CHST11: variants seen among roughly 807,000 people sequenced by gnomAD.
CHST11 encodes the protein C4S-1.
CHST11 carries 9 observed loss-of-function variants against 30.4 expected under a neutral mutation model. The ratio of observed to expected loss-of-function variants is 0.30; its 90% CI spans 0.18 to 0.52. The LOEUF is 0.52. Ranked by LOEUF, CHST11 falls within the 20% of genes least tolerant of loss-of-function variation. CHST11 has a pLI of 0.97. For missense variants in CHST11, 348 were observed against 460.6 expected (o/e 0.76, Z 2.24); for synonymous variants, 152 against 187.8 (o/e 0.81, Z 1.56).
chr12:104,544,097 C>G (rs1263939593), intron 1 of CHST11, among the ~76,000 whole-genome samples: 1 of 142,548 alleles, frequency 7.0e-6, no homozygotes, highest in Non-Finnish European at 1.5e-5. Context: ...GCACTCCAGC[C>G]TGGGCAACAG....
intron 2 of CHST11, among the ~76,000 whole-genome samples, chr12:104,702,856 G>A (rs113260003): frequency 2.0e-5 from 3 of 152,354 alleles, no homozygotes; most frequent in African/African-American, 7.2e-5. Context: ...GGTTCCAGCA[G>A]ATTGGACGCC....
intron 1 of CHST11, among the ~76,000 whole-genome samples, chr12:104,511,543 G>C (rs962879510): frequency 6.6e-6 from 1 of 152,146 alleles, no homozygotes; most frequent in African/African-American, 2.4e-5. Context: ...CCCATTTCAT[G>C]GCTTTTTTAG....
intron 1 of CHST11, among the ~76,000 whole-genome samples, chr12:104,459,634 T>C (rs1451326016): frequency 6.6e-6 from 1 of 152,200 alleles, no homozygotes; most frequent in East Asian, 1.9e-4. Context: ...TTTGTGAAAA[T>C]TTCCAGCCCT....
At chr12:104,590,498 C>T (rs1198585997) in intron 1 of CHST11, among the ~76,000 whole-genome samples, 1 of 152,034 alleles carries the variant, frequency 6.6e-6, no homozygotes, top group Non-Finnish European at 1.5e-5. Context: ...TTTTAGGAAC[C>T]GAGGATATTG....
chr12:104,750,503 G>A (rs1350406051), intron 2 of CHST11, among the ~76,000 whole-genome samples: 2 of 134,076 alleles, frequency 1.5e-5, no homozygotes, highest in Non-Finnish European at 3.1e-5. Flanking sequence ...GTGCAATGGT[G>A]CAATCTTGGC....
intron 2 of CHST11, among the ~76,000 whole-genome samples, chr12:104,738,060 A>G (rs2040315577): frequency 6.6e-6 from 1 of 152,078 alleles, no homozygotes; most frequent in African/African-American, 2.4e-5. Flanking sequence ...CACTTAGTGT[A>G]TAAAAAAGGA....
At chr12:104,561,654 A>T (rs1258750536) in intron 1 of CHST11, among the ~76,000 whole-genome samples, 1 of 152,148 alleles carries the variant, frequency 6.6e-6, no homozygotes, top group Non-Finnish European at 1.5e-5. Flanking sequence ...TCTAATGGAA[A>T]ACAACGCCCT....
intron 1 of CHST11, among the ~76,000 whole-genome samples, chr12:104,601,451 G>A (rs1001186155): frequency 4.6e-5 from 7 of 152,188 alleles, no homozygotes; most frequent in Non-Finnish European, 7.3e-5. Context: ...GGAGCCTCCT[G>A]GGGAAGGACC....
chr12:104,593,988 TTC>T (rs1369707162), intron 1 of CHST11, among the ~76,000 whole-genome samples: 1 of 152,238 alleles, frequency 6.6e-6, no homozygotes, highest in Non-Finnish European at 1.5e-5. Flanking sequence ...CTAACTCCTC[TTC>T]TTTGTTCATT....
At position 104,729,759 on chromosome 12, in the gene CHST11, G is replaced by A. The variant is rs928206214; in HGVS notation, c.205-27190G>A. 9.2e-5 allele frequency among the ~76,000 whole-genome samples: 14 copies of A among 152,154 alleles called. No individual in the cohort carries two copies. Among genetic ancestry groups the A allele is most frequent in the Non-Finnish European group, 1.9e-4 (13 of 68,016 alleles). On this transcript the variant is annotated intron_variant, in intron 2 of 2. Coordinates refer to ENST00000303694, the MANE Select transcript of CHST11 (RefSeq NM_018413.6). This position sits in a 1 kb window ranked among gnomAD's most constrained non-coding sequence, Gnocchi z 4.0. ...GTACCTAGGAGTTGAGGGGGAGCTC[G>A]ATGGCGCTGGGGCAGAGGTCTGCGG...
chr12:104,548,412 G>T (rs2038373537), intron 1 of CHST11, among the ~76,000 whole-genome samples: 1 of 152,192 alleles, frequency 6.6e-6, no homozygotes, highest in Non-Finnish European at 1.5e-5. Context: ...AGTGAGCTCA[G>T]TGTTGGGAAG....
chr12:104,489,759 G>A (rs926379187), intron 1 of CHST11, among the ~76,000 whole-genome samples: 9 of 152,276 alleles, frequency 5.9e-5, no homozygotes, highest in East Asian at 3.9e-4. Context: ...CACTGCGCCC[G>A]GCCAGAATAC....
intron 2 of CHST11, among the ~76,000 whole-genome samples, chr12:104,735,271 C>T (rs558623018): frequency 1.1e-4 from 17 of 152,252 alleles, no homozygotes; most frequent in South Asian, 4.2e-4. Flanking sequence ...AAATATAATA[C>T]GTCTCTACCT....
chr12:104,754,258 C>T (rs1445801762), intron 2 of CHST11, among the ~76,000 whole-genome samples: 1 of 152,182 alleles, frequency 6.6e-6, no homozygotes, highest in African/African-American at 2.4e-5. Flanking sequence ...TCCTGTTTTT[C>T]AGCTCTCCTG....
At chr12:104,677,553 T>G (rs566511230) in intron 2 of CHST11, among the ~76,000 whole-genome samples, 1 of 152,366 alleles carries the variant, frequency 6.6e-6, no homozygotes, top group East Asian at 1.9e-4. Flanking sequence ...GCAACTCTGT[T>G]TGATCAGCCT....
chr12:104,639,295 A>G (rs530632581), intron 2 of CHST11, among the ~76,000 whole-genome samples: 1 of 152,342 alleles, frequency 6.6e-6, no homozygotes, highest in South Asian at 2.1e-4. Context: ...CTTTAACACC[A>G]CTGGTCACAG....
At chr12:104,745,834 T>G (rs1273487322) in intron 2 of CHST11, among the ~76,000 whole-genome samples, 1 of 152,184 alleles carries the variant, frequency 6.6e-6, no homozygotes, top group Non-Finnish European at 1.5e-5. Flanking sequence ...TAAGAAGCTT[T>G]TGGGCTCAGA....
At chr12:104,738,419 T>A (rs2040319273) in intron 2 of CHST11, among the ~76,000 whole-genome samples, 1 of 152,242 alleles carries the variant, frequency 6.6e-6, no homozygotes, top group South Asian at 2.1e-4. Context: ...AATCATTCCC[T>A]GCTCTCCCAA....
chr12:104,646,040 G>A (rs138822429), intron 2 of CHST11, among the ~76,000 whole-genome samples: 7 of 152,172 alleles, frequency 4.6e-5, no homozygotes, highest in Admixed American at 1.3e-4. Flanking sequence ...TCTGAGTCCC[G>A]CATGCAGGAT....
Sources: allele counts gnomAD v4.1 joint callset (sites outside exome capture counted in the v4.1 genomes callset), GRCh38; gene constraint gnomAD v4.1.1; non-coding constraint Gnocchi (gnomAD v3.1); transcripts MANE v1.5; gene names NCBI Gene and HGNC (gene_info 2026-07-23, HGNC 2026-07-21).